The following SPAG16 variants were observed in gnomAD, a reference collection of about 807,000 sequenced individuals.
SPAG16 encodes the protein sperm-associated antigen 16 protein.
SPAG16 carries 86 observed loss-of-function variants against 80.4 expected under a neutral mutation model. That is an observed-to-expected ratio of 1.07 (90% confidence interval 0.90 to 1.28). The LOEUF is 1.28. Among genes scored for constraint, SPAG16 ranks in the 50% most tolerant of loss-of-function variants. The probability of loss-of-function intolerance (pLI) is 0.00; values close to 1 mark genes in which losing one functional copy is unlikely to be tolerated. For missense variants in SPAG16, 870 were observed against 765.3 expected (o/e 1.14, Z -1.61); for synonymous variants, 294 against 265.9 (o/e 1.11, Z -1.03).
chr2:213,626,896 C>A (rs976870440), intron 10 of SPAG16, among the ~76,000 whole-genome samples: 1 of 152,078 alleles, frequency 6.6e-6, no homozygotes, highest in Non-Finnish European at 1.5e-5. Flanking sequence ...GATCCTCCCA[C>A]CTTGGCTTCC....
intron 11 of SPAG16, among the ~76,000 whole-genome samples, chr2:213,920,156 AT>A (rs34202630): frequency 0.85 from 128,683 of 151,908 alleles, 56,704 homozygotes; most frequent in South Asian, 0.96. Flanking sequence ...CCATCCTTTT[AT>A]TTTTGAGCCT....
At chr2:213,869,870 C>G (rs1268936418) in intron 11 of SPAG16, among the ~76,000 whole-genome samples, 1 of 152,038 alleles carries the variant, frequency 6.6e-6, no homozygotes, top group African/African-American at 2.4e-5. Flanking sequence ...ATTTAATCAA[C>G]TAATGTTAAG....
At chr2:213,580,218 T>G (rs1372236102) in intron 10 of SPAG16, among the ~76,000 whole-genome samples, 1 of 152,012 alleles carries the variant, frequency 6.6e-6, no homozygotes, top group Non-Finnish European at 1.5e-5. Flanking sequence ...CCTATGGCAT[T>G]CCCCCATTAG....
chr2:213,583,094 A>G (rs2060349420), intron 10 of SPAG16, among the ~76,000 whole-genome samples: 1 of 152,162 alleles, frequency 6.6e-6, no homozygotes, highest in Admixed American at 6.5e-5. Flanking sequence ...TGACTACTGT[A>G]TATGCCACAT....
intron 3 of SPAG16, among the ~76,000 whole-genome samples, chr2:213,309,397 AATT>A (rs1235194780): frequency 1.3e-5 from 2 of 152,104 alleles, no homozygotes; most frequent in African/African-American, 4.8e-5. Flanking sequence ...TGTTGTCACT[AATT>A]ATTTTCTCCA....
intron 15 of SPAG16, among the ~76,000 whole-genome samples, chr2:214,364,581 C>G (rs1369969364): frequency 6.6e-6 from 1 of 152,108 alleles, no homozygotes; most frequent in South Asian, 2.1e-4. Flanking sequence ...TGAATCAGCA[C>G]AGGGTTGGAT....
chr2:214,008,071 T>A (rs1188011354), intron 12 of SPAG16, among the ~76,000 whole-genome samples: 1 of 152,122 alleles, frequency 6.6e-6, no homozygotes, highest in Non-Finnish European at 1.5e-5. Context: ...TTTTTCAATA[T>A]TTTTTCTGTT....
At chr2:214,234,279 A>C (rs370139997) in intron 15 of SPAG16, among the ~76,000 whole-genome samples, 4 of 151,882 alleles carry the variant, frequency 2.6e-5, no homozygotes, top group Non-Finnish European at 5.9e-5. Context: ...TTCTTTATCA[A>C]ATCTATCATT....
chr2:213,765,240 A>G (rs1340932870), intron 10 of SPAG16, among the ~76,000 whole-genome samples: 3 of 152,062 alleles, frequency 2.0e-5, no homozygotes. Context: ...GTGGTGGTGC[A>G]TGTCTGTAAT....
At chr2:213,679,962 C>T (rs1398785878) in intron 10 of SPAG16, among the ~76,000 whole-genome samples, 2 of 152,004 alleles carry the variant, frequency 1.3e-5, no homozygotes, top group African/African-American at 4.8e-5. Flanking sequence ...GACTAATACA[C>T]AATATTCACA....
chr2:213,489,595 G>T (rs1205552691), intron 9 of SPAG16, among the ~76,000 whole-genome samples: 3 of 152,068 alleles, frequency 2.0e-5, no homozygotes, highest in African/African-American at 7.3e-5. Flanking sequence ...CATAAGAATT[G>T]TAGACTTTCG....
chr2:213,789,906 T>G (rs1288995951), intron 10 of SPAG16, among the ~76,000 whole-genome samples: 2 of 152,000 alleles, frequency 1.3e-5, no homozygotes, highest in African/African-American at 4.8e-5. Flanking sequence ...GATATCATTA[T>G]CATCCAATGT....
intron 11 of SPAG16, among the ~76,000 whole-genome samples, chr2:213,889,648 C>T (rs6707313): frequency 0.59 from 88,329 of 148,640 alleles, 28,046 homozygotes; most frequent in South Asian, 0.85. Flanking sequence ...TACACACACA[C>T]ATATATACAT....
Position 213,980,708 on chromosome 2 carries a change from G to GTATATATATATATATA in SPAG16, c.1401-33242_1401-33241insATATATATATATATAT, listed in dbSNP as rs796912299. On this transcript the variant is annotated intron_variant, in intron 12 of 15. Transcript: ENST00000331683. ...ATATATAGAATATATGTGTGTGTGT[G>GTATATATATATATATA]TGTGTATATATATATATAGAGAGAG... Among the ~76,000 whole-genome samples, 72 of 102,626 alleles carry GTATATATATATATATA rather than the reference G, an allele frequency of 7.0e-4. 1 individual carries two copies. Among genetic ancestry groups the GTATATATATATATATA allele is most frequent in the African/African-American group, 3.3e-3 (68 of 20,422 alleles). The allele number at this position is 102,626 out of a possible 152,430, so 67.3% of individuals were successfully genotyped here.
chr2:214,372,833 A>C (rs1472589281), intron 15 of SPAG16, among the ~76,000 whole-genome samples: 3 of 152,010 alleles, frequency 2.0e-5, no homozygotes, highest in Non-Finnish European at 4.4e-5. Context: ...ACTTCCCCCC[A>C]CCCCAAATAA....
At chr2:214,319,292 C>G (rs1340463937) in intron 15 of SPAG16, among the ~76,000 whole-genome samples, 3 of 150,918 alleles carry the variant, frequency 2.0e-5, no homozygotes, top group Non-Finnish European at 4.4e-5. Context: ...AGTGCTAGGC[C>G]AAATTATTTG....
At chr2:213,878,434 C>A (rs2076221696) in intron 11 of SPAG16, among the ~76,000 whole-genome samples, 1 of 151,960 alleles carries the variant, frequency 6.6e-6, no homozygotes, top group Non-Finnish European at 1.5e-5. Context: ...GCTTTTTGGC[C>A]ACTTGTCTGT....
chr2:213,674,427 A>G (rs968157780), intron 10 of SPAG16, among the ~76,000 whole-genome samples: 2 of 151,554 alleles, frequency 1.3e-5, no homozygotes, highest in Non-Finnish European at 2.9e-5. Flanking sequence ...GTACATGTGC[A>G]CAATGTGCAG....
chr2:213,868,974 G>A lies in SPAG16; in HGVS notation c.1214+6346G>A, dbSNP rs373993571. ...TTTAAAAATATATATACATGGGACT[G>A]GGCATGGTGGCTCACACCTGTAATC... is the stretch of plus-strand genomic sequence containing the variant. On this transcript the variant is annotated intron_variant, in intron 11 of 15. Transcript: ENST00000331683. Among the ~76,000 whole-genome samples the A allele has an allele frequency of 9.9e-5, 15 of 152,012 alleles. No homozygotes were observed. The East Asian group carries it at 2.1e-3, about 22-fold the overall frequency.
Sources: gnomAD v4.1 joint callset for allele counts (sites outside exome capture counted in the v4.1 genomes callset) on GRCh38, gnomAD v4.1.1 for gene constraint, MANE v1.5 for transcripts, NCBI Gene and HGNC (gene_info 2026-07-23, HGNC 2026-07-21) for gene names.